Variants in CCDC50 observed in about 807,000 individuals in gnomAD.
CCDC50 encodes coiled-coil domain-containing protein 50.
Under a neutral mutation model 70.2 loss-of-function variants are expected in CCDC50, and 54 were observed. That is an observed-to-expected ratio of 0.77 (90% CI 0.62 to 0.96). The LOEUF (loss-of-function observed/expected upper bound fraction) is 0.96. Among genes scored for constraint, CCDC50 ranks in the 50% least tolerant of loss-of-function variants. The pLI, the probability that CCDC50 is intolerant of heterozygous loss-of-function variation, is 0.00. For synonymous variants in CCDC50, 216 were observed against 198.8 expected, an observed-to-expected ratio of 1.09 and a Z score of -0.73; for missense variants, 558 against 578.7, an observed-to-expected ratio of 0.96 and a Z score of 0.37.
At chr3:191,348,976 G>C (rs1328599797) in intron 1 of CCDC50, among the ~76,000 whole-genome samples, 2 of 142,030 alleles carry the variant, frequency 1.4e-5, no homozygotes, top group East Asian at 3.8e-4. Flanking sequence ...CAGCAACTCA[G>C]AACTAAGTTT....
Position 191,329,569 on chromosome 3 carries a change from G to A in CCDC50, c.-106G>A, listed in dbSNP as rs1023798848. On this transcript the variant is annotated 5_prime_UTR_variant, in exon 1 of 12. Transcript: ENST00000392455. ...CTCCGGCCTGCGAGCCCTGCCGGCC[G>A]GACTTTGCGCCGCGTCCGGCGCTGC... 3 of 1,190,838 alleles carry A rather than the reference G, an allele frequency of 2.5e-6. No individual in the cohort carries two copies. Among genetic ancestry groups the A allele is most frequent in the Non-Finnish European group, 3.5e-6 (3 of 857,214 alleles). 73.8% of individuals were successfully genotyped at this position (1,190,838 alleles called of 1,614,324 possible).
At chr3:191,335,775 T>C (rs1364039452) in intron 1 of CCDC50, among the ~76,000 whole-genome samples, 1 of 152,222 alleles carries the variant, frequency 6.6e-6, no homozygotes, top group Non-Finnish European at 1.5e-5. Context: ...TTTTTCTTTG[T>C]CGTTTTAGTC....
At chr3:191,376,045 A>G (rs1560168562) in intron 6 of CCDC50, among the ~76,000 whole-genome samples, 1 of 152,188 alleles carries the variant, frequency 6.6e-6, no homozygotes, top group Non-Finnish European at 1.5e-5. Flanking sequence ...CATCTTTCTC[A>G]TTTGTAAAAT....
At chr3:191,360,125 G>C (rs574206) in intron 3 of CCDC50, among the ~76,000 whole-genome samples, 9,631 of 152,236 alleles carry the variant, frequency 0.063, 419 homozygotes, top group East Asian at 0.21. Context: ...CATTGAACTG[G>C]AACCTTTTAT....
intron 1 of CCDC50, among the ~76,000 whole-genome samples, chr3:191,333,486 T>G (rs1718053299): frequency 1.3e-5 from 2 of 152,172 alleles, no homozygotes; most frequent in South Asian, 4.1e-4. Context: ...TGTACATATA[T>G]CTGGCTACAC....
At position 191,347,139 on chromosome 3, in the gene CCDC50, A is replaced by T. The variant is rs746720252; in HGVS notation, c.50-9949A>T. Among the ~76,000 whole-genome samples the T allele has an allele frequency of 2.1e-5, 3 of 142,266 alleles. No homozygotes were observed. In the South Asian group the frequency reaches 6.7e-4, roughly 32 times the overall value. The allele number at this position is 142,266 out of a possible 152,430, so 93.3% of individuals were successfully genotyped here. On this transcript the variant is annotated intron_variant, in intron 1 of 11. Transcript: ENST00000392455. ...CTTTTTGTGAAAAAGGCAGCTTTCT[A>T]TCTGTGATGTTTATTGCAGGATAAT...
intron 10 of CCDC50, among the ~76,000 whole-genome samples, chr3:191,383,150 T>G (rs893350239): frequency 2.0e-5 from 3 of 152,142 alleles, no homozygotes; most frequent in African/African-American, 7.2e-5. Context: ...TAAATAAAAT[T>G]TCGAGTTTTA....
chr3:191,330,930 G>A (rs989392725), intron 1 of CCDC50, among the ~76,000 whole-genome samples: 1 of 152,140 alleles, frequency 6.6e-6, no homozygotes. Flanking sequence ...AAGCTTAGGC[G>A]TGAGATTTTA....
intron 3 of CCDC50, among the ~76,000 whole-genome samples, chr3:191,359,258 G>C (rs1231946060): frequency 1.3e-5 from 2 of 152,136 alleles, no homozygotes; most frequent in Non-Finnish European, 2.9e-5. Context: ...ATAGTGATGG[G>C]GAAAACCATT....
At chr3:191,341,765 A>G (rs1012953811) in intron 1 of CCDC50, among the ~76,000 whole-genome samples, 7 of 152,238 alleles carry the variant, frequency 4.6e-5, no homozygotes, top group African/African-American at 1.7e-4. Flanking sequence ...ATGGAGAGCC[A>G]AAGGGTTGAC....
chr3:191,342,078 A>C (rs1251765974), intron 1 of CCDC50, among the ~76,000 whole-genome samples: 1 of 152,232 alleles, frequency 6.6e-6, no homozygotes, highest in African/African-American at 2.4e-5. Context: ...GTCAGTGAAC[A>C]TGACCAGTTA....
chr3:191,365,236 T>C (rs931556827), intron 4 of CCDC50, among the ~76,000 whole-genome samples: 1 of 151,912 alleles, frequency 6.6e-6, no homozygotes, highest in Non-Finnish European at 1.5e-5. Flanking sequence ...TTTGAAGCCC[T>C]TTATAGTATA....
chr3:191,332,862 C>T lies in CCDC50; in HGVS notation c.49+3139C>T, dbSNP rs113774279. Among the ~76,000 whole-genome samples the T allele has an allele frequency of 3.6e-3, 553 of 152,302 alleles. 1 individual carries two copies. The highest frequency in any genetic ancestry group is 5.5e-3 in the Non-Finnish European group (371 of 68,022). ...CTGTAATTTTGCCATTTAGCCCTCT[C>T]TAACCAAGATGTTGATCGAGGCCTT... On this transcript the variant is annotated intron_variant, in intron 1 of 11. Transcript: ENST00000392455.
chr3:191,359,888 T>G (rs528452400), intron 3 of CCDC50, among the ~76,000 whole-genome samples: 1 of 152,302 alleles, frequency 6.6e-6, no homozygotes, highest in South Asian at 2.1e-4. Context: ...AATGAGCTTT[T>G]TCAGAAATTA....
At chr3:191,362,112 G>A (rs1483664524) in intron 4 of CCDC50, among the ~76,000 whole-genome samples, 1 of 152,060 alleles carries the variant, frequency 6.6e-6, no homozygotes, top group Non-Finnish European at 1.5e-5. Context: ...TTCCTTTTGT[G>A]TTATTATTTT....
chr3:191,353,925 C>G (rs2108645885), intron 1 of CCDC50, among the ~76,000 whole-genome samples: 1 of 152,246 alleles, frequency 6.6e-6, no homozygotes, highest in East Asian at 1.9e-4. Flanking sequence ...TCAGCTTCTG[C>G]AGATTCAGGG....
chr3:191,382,604 A>G (rs1049147998), intron 9 of CCDC50, 142 bp from the exon 10 acceptor site: 1 of 624,734 alleles, frequency 1.6e-6, no homozygotes, highest in African/African-American at 1.9e-5. Flanking sequence ...ATGTTCCTCA[A>G]TTAAATATAA....
intron 1 of CCDC50, among the ~76,000 whole-genome samples, chr3:191,354,131 TAAAATG>T (rs1347018996): frequency 1.3e-5 from 2 of 152,176 alleles, no homozygotes; most frequent in Non-Finnish European, 2.9e-5. Flanking sequence ...TTATAGAACT[TAAAATG>T]TAATATGTAA....
intron 9 of CCDC50, 32 bp from the exon 10 acceptor site, chr3:191,382,714 T>TTTG: frequency 1.4e-6 from 2 of 1,415,854 alleles, no homozygotes; most frequent in East Asian, 4.6e-5. Context: ...TGTGTGTTAT[T>TTTG]TTTGTTTGTT....
Sources: allele counts gnomAD v4.1 joint callset (sites outside exome capture counted in the v4.1 genomes callset), GRCh38; gene constraint gnomAD v4.1.1; transcripts MANE v1.5; gene names NCBI Gene and HGNC (gene_info 2026-07-23, HGNC 2026-07-21).